The following NOL4 variants were observed in gnomAD, a reference collection of about 807,000 sequenced individuals.
The protein encoded by NOL4 is nucleolar protein 4.
A neutral mutation model predicts 75.9 loss-of-function variants in NOL4; 17 were observed. That is an observed-to-expected ratio of 0.22 (90% CI 0.15 to 0.34). The LOEUF (loss-of-function observed/expected upper bound fraction) is 0.34, where lower values mean the gene tolerates loss of function less well. NOL4 is among the 10% of genes least tolerant of loss of function. The pLI is 1.00. For synonymous variants in NOL4, 292 were observed against 289.9 expected (o/e 1.01, Z -0.07); for missense variants, 614 against 793.5 (o/e 0.77, Z 2.72).
intron 1 of NOL4, among the ~76,000 whole-genome samples, chr18:34,131,826 G>C (rs2080665663): frequency 6.6e-6 from 1 of 152,160 alleles, no homozygotes. Flanking sequence ...GCTGGAGTTA[G>C]CAAGATGTGT....
intron 6 of NOL4, among the ~76,000 whole-genome samples, chr18:33,973,950 C>T (rs1280556700): frequency 6.6e-6 from 1 of 152,120 alleles, no homozygotes; most frequent in African/African-American, 2.4e-5. Context: ...GCTACATTAG[C>T]CCCTAACAAG....
At chr18:34,021,674 A>T (rs1167806298) in intron 5 of NOL4, among the ~76,000 whole-genome samples, 1 of 152,162 alleles carries the variant, frequency 6.6e-6, no homozygotes, top group Non-Finnish European at 1.5e-5. Flanking sequence ...AAGTCATCTA[A>T]TTTGGCATAT....
At position 34,056,422 on chromosome 18, in the gene NOL4, A is replaced by C. The variant is rs1188272280; in HGVS notation, c.773-36821T>G. Among the ~76,000 whole-genome samples, 3 of 152,024 alleles carry C rather than the reference A, an allele frequency of 2.0e-5. No individual in the cohort carries two copies. The East Asian group carries it at 5.8e-4, about 30-fold the overall frequency. Reference sequence around the variant, plus strand: ...GCAGCCTGCCCATTTTTTTCTCAGGAGCTCATAATCTCCTGCTCCTTCTAG... The same window carrying C: ...GCAGCCTGCCCATTTTTTTCTCAGGCGCTCATAATCTCCTGCTCCTTCTAG... On this transcript the variant is annotated intron_variant, in intron 5 of 10. Transcript: ENST00000261592.
intron 9 of NOL4, among the ~76,000 whole-genome samples, chr18:33,905,128 C>T (rs114700782): frequency 1.1e-4 from 16 of 152,200 alleles, no homozygotes; most frequent in African/African-American, 3.1e-4. Context: ...AGCTGGAGAA[C>T]GAACTGATAT....
intron 6 of NOL4, among the ~76,000 whole-genome samples, chr18:33,984,870 G>T (rs924253094): frequency 7.9e-5 from 12 of 151,766 alleles, no homozygotes; most frequent in African/African-American, 2.9e-4. Context: ...ACATTTTTTC[G>T]ACTCTGGAAA....
chr18:34,117,047 T>C (rs1166925675), intron 2 of NOL4, among the ~76,000 whole-genome samples: 2 of 152,236 alleles, frequency 1.3e-5, no homozygotes, highest in African/African-American at 2.4e-5. Flanking sequence ...TGACAATTAC[T>C]AGTTTTGGCT....
intron 5 of NOL4, among the ~76,000 whole-genome samples, chr18:34,030,255 A>G (rs1600314942): frequency 6.6e-6 from 1 of 152,246 alleles, no homozygotes; most frequent in East Asian, 1.9e-4. Context: ...ATGCAAAGAA[A>G]CTGCATCCTA....
intron 5 of NOL4, among the ~76,000 whole-genome samples, chr18:34,060,693 T>G (rs1443793729): frequency 6.6e-6 from 1 of 152,152 alleles, no homozygotes; most frequent in Non-Finnish European, 1.5e-5. Context: ...TACTTGTTGT[T>G]TGAATTAATT....
chr18:34,188,079 T>A (rs2034629511), intron 1 of NOL4, among the ~76,000 whole-genome samples: 1 of 152,224 alleles, frequency 6.6e-6, no homozygotes, highest in African/African-American at 2.4e-5. Context: ...ACACATGATG[T>A]CAAGTACTGT....
At chr18:34,140,562 C>A (rs541466932) in intron 1 of NOL4, among the ~76,000 whole-genome samples, 3 of 152,180 alleles carry the variant, frequency 2.0e-5, no homozygotes, top group African/African-American at 7.2e-5. Flanking sequence ...TTATTTTGAG[C>A]CTATGTGTGT....
rs540979707 is a variant in NOL4, at chr18:34,116,816, T to A, written c.415-11656A>T. Among the ~76,000 whole-genome samples, 526 of 152,218 alleles carry A rather than the reference T, an allele frequency of 3.5e-3. 7 individuals are homozygous for A. The highest frequency in any genetic ancestry group is 0.012 in the African/African-American group (497 of 41,556). The stretch of plus-strand genomic sequence containing the variant: ...AATAGTGCAAATTAAGAGAAAAAAA[T>A]AACGGAAAATAATTTTAAAACATGG... On this transcript the variant is annotated intron_variant, in intron 2 of 10. Coordinates refer to ENST00000261592, the MANE Select transcript of NOL4 (RefSeq NM_003787.5).
chr18:34,134,370 A>G (rs1301190219), intron 1 of NOL4, among the ~76,000 whole-genome samples: 1 of 151,738 alleles, frequency 6.6e-6, no homozygotes, highest in African/African-American at 2.4e-5. Flanking sequence ...GACTCATTTC[A>G]TAGTAATAAA....
At chr18:34,107,935 G>T (rs889296875) in intron 2 of NOL4, among the ~76,000 whole-genome samples, 1 of 152,132 alleles carries the variant, frequency 6.6e-6, no homozygotes, top group Non-Finnish European at 1.5e-5. Context: ...GAATAAGGTA[G>T]AAAAGACGGT....
intron 9 of NOL4, among the ~76,000 whole-genome samples, chr18:33,937,834 A>G (rs1195364049): frequency 6.6e-6 from 1 of 152,176 alleles, no homozygotes; most frequent in Admixed American, 6.6e-5. Flanking sequence ...TACAGTGCAT[A>G]AACAGCTCTC....
intron 1 of NOL4, among the ~76,000 whole-genome samples, chr18:34,148,688 G>C (rs1213811894): frequency 6.6e-6 from 1 of 151,920 alleles, no homozygotes; most frequent in African/African-American, 2.4e-5. Context: ...AATATATTCT[G>C]TTGATTTTAG....
chr18:34,209,037 C>A lies in NOL4; in HGVS notation c.264+13953G>T, dbSNP rs538231849. 2.6e-3 allele frequency among the ~76,000 whole-genome samples: 399 copies of A among 151,230 alleles called. 1 individual carries two copies. Among genetic ancestry groups the A allele is most frequent in the Admixed American group, 6.6e-3 (100 of 15,180 alleles). On this transcript the variant is annotated intron_variant, in intron 1 of 10. Coordinates refer to ENST00000261592, the MANE Select transcript of NOL4 (RefSeq NM_003787.5). ...CCAGCTTTGCCAACATGGTGAAACC[C>A]CTGTCTCTATTAAATATACAAAAAT... is the stretch of plus-strand genomic sequence containing the variant.
rs115311630 is a variant in NOL4, at chr18:33,969,726, C to T, written c.1057-11308G>A. On this transcript the variant is annotated intron_variant, in intron 6 of 10. Transcript: ENST00000261592. ...TTTTGGACAAATAAGTCACATTTGA[C>T]ATTGCATTTTGACATTTTTCCAGTG... 3.3e-3 allele frequency among the ~76,000 whole-genome samples: 464 copies of T among 142,368 alleles called. 5 individuals are homozygous for T. The highest frequency in any genetic ancestry group is 0.012 in the African/African-American group (450 of 38,534). The allele number at this position is 142,368 out of a possible 152,430, so 93.4% of individuals were successfully genotyped here.
intron 8 of NOL4, among the ~76,000 whole-genome samples, chr18:33,949,951 T>A (rs1193066270): frequency 6.6e-6 from 1 of 151,960 alleles, no homozygotes; most frequent in Non-Finnish European, 1.5e-5. Context: ...ATGCTTTAAT[T>A]TTAACTACAT....
intron 9 of NOL4, among the ~76,000 whole-genome samples, chr18:33,931,627 G>T (rs576974016): frequency 4.7e-4 from 71 of 151,866 alleles, no homozygotes; most frequent in Non-Finnish European, 9.3e-4. Context: ...CCAGTTACTT[G>T]GGCGGCTGAT....
Sources: allele counts gnomAD v4.1 joint callset (sites outside exome capture counted in the v4.1 genomes callset), GRCh38; gene constraint gnomAD v4.1.1; transcripts MANE v1.5; gene names NCBI Gene and HGNC (gene_info 2026-07-23, HGNC 2026-07-21).